Variants in LMTK3 observed in about 807,000 individuals in gnomAD.
LMTK3 encodes serine/threonine-protein kinase LMTK3.
Under a neutral mutation model 116.7 loss-of-function variants are expected in LMTK3, and 27 were observed. The ratio of observed to expected loss-of-function variants is 0.23; its 90% CI spans 0.17 to 0.32. LMTK3 has a LOEUF of 0.32. Ranked by LOEUF, LMTK3 falls within the 10% of genes least tolerant of loss-of-function variation. LMTK3 has a pLI of 1.00. For missense variants in LMTK3, 1,764 were observed against 2,068.5 expected, an observed-to-expected ratio of 0.85 and a Z score of 2.86; for synonymous variants, 965 against 971.0, an observed-to-expected ratio of 0.99 and a Z score of 0.11.
Position 48,499,025 on chromosome 19 carries a change from G to A in LMTK3, c.2044C>T (p.Pro682Ser). ...GCTACGGCGTCCCCCCGCTCCAGTGGCAGGCAGGAGCAGGCCCCCTCGCGG... is the reference window on the plus strand; with the variant it reads ...GCTACGGCGTCCCCCCGCTCCAGTGACAGGCAGGAGCAGGCCCCCTCGCGG... ...CSREGACSCL[P>S]LERGDAVAGW... Residue 682 changes from proline to serine, a missense_variant, in exon 11 of 15, where the codon CCA (proline) becomes TCA (serine). Coordinates refer to ENST00000600059, the MANE Select transcript of LMTK3 (RefSeq NM_001388485.1). 2 of 1,459,018 alleles carry A rather than the reference G, an allele frequency of 1.4e-6. No individual in the cohort carries two copies. The highest frequency in any genetic ancestry group is 2.4e-5 in the Admixed American group (1 of 42,444). 90.4% of individuals were successfully genotyped at this position (1,459,018 alleles called of 1,614,324 possible).
upstream of LMTK3, chr19:48,513,505 G>C (rs1255838892): frequency 3.0e-6 from 1 of 334,164 alleles, no homozygotes; most frequent in Admixed American, 4.6e-5. This position sits in a 1 kb window ranked among gnomAD's most constrained non-coding sequence, Gnocchi z 5.6. Context: ...GCCGTCTCGG[G>C]GTCACATCCC....
chr19:48,497,843 C>A lies in LMTK3; in HGVS notation c.3226G>T (p.Gly1076Cys). Residue 1076 changes from glycine to cysteine, a missense_variant, in exon 11 of 15, where the codon GGC (glycine) becomes TGC (cysteine). Transcript: ENST00000600059. The surrounding 1 kb of genome is among the most constrained non-coding windows in gnomAD (Gnocchi z 5.7). The stretch of plus-strand genomic sequence containing the variant: ...AGCGTCCCGTTCTTGGGGGCTGGGC[C>A]AAGGGGGCCAGGGGCTGTCTCCCCG... Reference protein sequence around the residue: ...NGGETAPGPLGPAPKNGTLEP... With the variant: ...NGGETAPGPLCPAPKNGTLEP... The A allele has an allele frequency of 7.0e-7, 1 of 1,421,216 alleles. No homozygotes were observed. Among genetic ancestry groups the A allele is most frequent in the South Asian group, 1.5e-5 (1 of 64,624 alleles). The allele number at this position is 1,421,216 out of a possible 1,614,324, so 88.0% of individuals were successfully genotyped here.
At chr19:48,503,789 TTCTCTC>T (rs148406252) in intron 5 of LMTK3, among the ~76,000 whole-genome samples, 4 of 149,502 alleles carry the variant, frequency 2.7e-5, no homozygotes, top group Non-Finnish European at 4.5e-5. Flanking sequence ...ACCTACAGTT[TTCTCTC>T]TCTCTCTCTC....
At position 48,501,064 on chromosome 19, in the gene LMTK3, G is replaced by A; in HGVS notation, c.1083C>T (p.Ala361=). The A allele has an allele frequency of 1.3e-6, 2 of 1,568,108 alleles. No individual in the cohort carries two copies. The highest frequency in any genetic ancestry group is 1.7e-6 in the Non-Finnish European group (2 of 1,157,968). Residue 361 remains alanine (A), a synonymous_variant, in exon 10 of 15, where the codon GCC becomes GCT. Transcript: ENST00000600059. ...TCACATGCTGCTGGCGGACCACGAA[G>A]GCGAGGACCTCCTCGTCTGACAGGT... The part of the protein sequence containing the change: ...YRHLSDEEVL[A]FVVRQQHVKL...
chr19:48,501,857 C>G (rs1454319631), intron 7 of LMTK3, among the ~76,000 whole-genome samples: 1 of 151,250 alleles, frequency 6.6e-6, no homozygotes, highest in African/African-American at 2.4e-5. Flanking sequence ...TCCCCCTCCT[C>G]TCCCAGCCAC....
chr19:48,492,439 G>A (rs1322109775), intron 12 of LMTK3, among the ~76,000 whole-genome samples: 1 of 151,974 alleles, frequency 6.6e-6, no homozygotes, highest in African/African-American at 2.4e-5. Flanking sequence ...CTCCCGCCTC[G>A]GCCTCCCAAA....
In LMTK3 at chr19:48,508,981, G is replaced by T. The variant is rs1410466973; in HGVS notation, c.439-12C>A. The T allele has an allele frequency of 2.5e-6, 4 of 1,568,710 alleles. No individual in the cohort carries two copies. The South Asian group carries it at 4.6e-5, about 18-fold the overall frequency. ...TCTCCCAGGATCACCTGGTCAAGGG[G>T]CACCCAGGAGTCAGCGAGTGCCGTT... On this transcript the variant is annotated splice_polypyrimidine_tract_variant and intron_variant, in intron 4 of 14. Transcript: ENST00000600059.
intron 11 of LMTK3, among the ~76,000 whole-genome samples, chr19:48,496,321 C>G (rs1972323427): frequency 6.8e-6 from 1 of 146,924 alleles, no homozygotes; most frequent in Non-Finnish European, 1.5e-5. Context: ...TTTTCTGAGA[C>G]AGAGTCTCGC....
chr19:48,497,482 T>C lies in LMTK3; in HGVS notation c.3587A>G (p.Asp1196Gly). The change falls in exon 11 of 15, where the codon GAC (aspartate) becomes GGC (glycine). Residue 1196 changes from aspartate to glycine, a missense_variant. Around this residue, in one of 7 missense-constraint regions of LMTK3, gnomAD observed 1,028 missense variants for 1,050.6 expected, o/e 0.98. Transcript: ENST00000600059. This position sits in a 1 kb window ranked among gnomAD's most constrained non-coding sequence, Gnocchi z 5.7. ...GGDTALSGDG[D>G]PPKPERKGPE... ...GCCCTTCCTCTCGGGCTTGGGGGGG[T>C]CCCCGTCTCCGCTGAGTGCCGTGTC... The C allele has an allele frequency of 6.7e-7, 1 of 1,485,176 alleles. No individual in the cohort carries two copies. Among genetic ancestry groups the C allele is most frequent in the Non-Finnish European group, 8.9e-7 (1 of 1,120,226 alleles). The allele number at this position is 1,485,176 out of a possible 1,614,324, so 92.0% of individuals were successfully genotyped here. A position where few individuals can be genotyped will look rare whatever the true frequency, so the allele number is the denominator to read the frequency against.
Position 48,511,717 on chromosome 19 carries a change from G to A in LMTK3, c.-141C>T, listed in dbSNP as rs1208426679. 3 of 446,474 alleles carry A rather than the reference G, an allele frequency of 6.7e-6. No homozygotes were observed. The highest frequency in any genetic ancestry group is 1.2e-5 in the Non-Finnish European group (3 of 248,178). 27.7% of individuals were successfully genotyped at this position (446,474 alleles called of 1,614,324 possible). On this transcript the variant is annotated 5_prime_UTR_variant, in exon 1 of 15. Coordinates refer to ENST00000600059, the MANE Select transcript of LMTK3 (RefSeq NM_001388485.1). The stretch of plus-strand genomic sequence containing the variant: ...GAGGGGCAGGAGACGCAGGACAGGG[G>A]GAGGGAGGGGCTGCTTGCTGGCTCA...
rs374691510 is a variant in LMTK3, at chr19:48,486,221, G to A, written c.4367-432C>T. Among the ~76,000 whole-genome samples, 240 of 150,106 alleles carry A rather than the reference G, an allele frequency of 1.6e-3. 2 individuals carry two copies. The East Asian group carries it at 0.037, about 23-fold the overall frequency. ...ACTACAGGCGCCCGCCACTACGCCC[G>A]GCTAATTTTTTGTATTTTTAGTAGA... On this transcript the variant is annotated intron_variant, in intron 14 of 14. Coordinates refer to ENST00000600059, the MANE Select transcript of LMTK3 (RefSeq NM_001388485.1).
At position 48,485,755 on chromosome 19, in the gene LMTK3, G is replaced by A. The variant is rs777215844; in HGVS notation, c.*18C>T. On this transcript the variant is annotated 3_prime_UTR_variant, in exon 15 of 15. Coordinates refer to ENST00000600059, the MANE Select transcript of LMTK3 (RefSeq NM_001388485.1). ...AACCCCTCTTCTGAGGGTGCAGCGG[G>A]GTCGGGTCTTCGGGGAATCAATTCT... is the stretch of plus-strand genomic sequence containing the variant. The A allele has an allele frequency of 1.9e-6, 3 of 1,609,918 alleles. No homozygotes were observed. Among genetic ancestry groups the A allele is most frequent in the South Asian group, 2.2e-5 (2 of 90,278 alleles).
chr19:48,495,865 TC>T (rs2147537836), intron 11 of LMTK3, among the ~76,000 whole-genome samples: 1 of 152,382 alleles, frequency 6.6e-6, no homozygotes, highest in South Asian at 2.1e-4. Context: ...CCTTCATTTA[TC>T]TTAAAGAGTT....
At chr19:48,506,722 T>C (rs886838985) in intron 5 of LMTK3, among the ~76,000 whole-genome samples, 1 of 152,160 alleles carries the variant, frequency 6.6e-6, no homozygotes, top group African/African-American at 2.4e-5. Flanking sequence ...TGGAGTACAG[T>C]GGTGTGATCT....
Position 48,505,103 on chromosome 19 carries a change from C to CTTTTTTTT in LMTK3, c.558-2115_558-2108dup, listed in dbSNP as rs33927563. Among the ~76,000 whole-genome samples, 7 of 55,574 alleles carry CTTTTTTTT rather than the reference C, an allele frequency of 1.3e-4. 1 individual carries two copies. The highest frequency in any genetic ancestry group is 9.5e-4 in the South Asian group (1 of 1,052). The allele number at this position is 55,574 out of a possible 152,430, so 36.5% of individuals were successfully genotyped here. ...AGTTTCTCTCTCTCTCTCTCTCTCT[C>CTTTTTTTT]TTTTTTTTTTTTTTTTTTTTTTTTT... On this transcript the variant is annotated intron_variant, in intron 5 of 14. Coordinates refer to ENST00000600059, the MANE Select transcript of LMTK3 (RefSeq NM_001388485.1).
Position 48,499,001 on chromosome 19 carries a change from C to G in LMTK3, c.2068G>C (p.Ala690Pro). ...AGAGCAGGGTGGCCTCCCCAGCCTGCTACGGCGTCCCCCCGCTCCAGTGGC... is the reference window on the plus strand; with the variant it reads ...AGAGCAGGGTGGCCTCCCCAGCCTGGTACGGCGTCCCCCCGCTCCAGTGGC... ...CLPLERGDAV[A>P]GWGGHPALGC... The change falls in exon 11 of 15, where the codon GCA becomes CCA. Residue 690 changes from alanine (A) to proline (P), a missense_variant. Ala to Pro is a conservative substitution (Grantham distance 27, BLOSUM62 -1). This residue lies in a region of LMTK3 where 1,028 missense variants were observed against 1,050.6 expected (regional missense o/e 0.98). Transcript: ENST00000600059. 1 of 1,412,028 alleles carries G rather than the reference C, an allele frequency of 7.1e-7. No homozygotes were observed. The highest frequency in any genetic ancestry group is 9.2e-7 in the Non-Finnish European group (1 of 1,081,246). The allele number at this position is 1,412,028 out of a possible 1,614,324, so 87.5% of individuals were successfully genotyped here.
Position 48,491,603 on chromosome 19 carries a change from C to T in LMTK3, c.4093-64G>A. On this transcript the variant is annotated intron_variant, in intron 12 of 14. Coordinates refer to ENST00000600059, the MANE Select transcript of LMTK3 (RefSeq NM_001388485.1). The surrounding 1 kb of genome is among the most constrained non-coding windows in gnomAD (Gnocchi z 5.1). ...CCTTCACGTCCCATTTACCGCATCCCCCAAAAGCAACAAAACCGGCTAATA... is the reference window on the plus strand; with the variant it reads ...CCTTCACGTCCCATTTACCGCATCCTCCAAAAGCAACAAAACCGGCTAATA... 7.9e-7 allele frequency: 1 copy of T among 1,264,390 alleles called. No individual in the cohort carries two copies. Among genetic ancestry groups the T allele is most frequent in the Non-Finnish European group, 1.0e-6 (1 of 990,738 alleles). 78.3% of individuals were successfully genotyped at this position (1,264,390 alleles called of 1,614,324 possible).
chr19:48,509,962 T>G, intron 3 of LMTK3, 61 bp downstream of exon 3: 1 of 1,589,196 alleles, frequency 6.3e-7, no homozygotes, highest in East Asian at 2.3e-5. Context: ...AGGAACACAC[T>G]CAACATCTTC....
rs1459681659 is a variant in LMTK3 at position 48,491,123 on chromosome 19, CG to C, written c.4350del (p.Asp1451ThrfsTer33). On this transcript the variant is annotated frameshift_variant, in exon 14 of 15. Coordinates refer to ENST00000600059, the MANE Select transcript of LMTK3 (RefSeq NM_001388485.1). LOFTEE classifies it high-confidence loss of function. This position sits in a 1 kb window ranked among gnomAD's most constrained non-coding sequence, Gnocchi z 5.1. ...LETPGPPARA[P>X]DARPAGPVEN ...GATATGGTACCTGCGGGCCGGGCGTCGGGGGCCCGGGCGGGTGGCCCCGGGG... is the reference window on the plus strand; with the variant it reads ...GATATGGTACCTGCGGGCCGGGCGTCGGGGCCCGGGCGGGTGGCCCCGGGG... The C allele has an allele frequency of 5.7e-6, 7 of 1,231,934 alleles. No homozygotes were observed. The highest frequency in any genetic ancestry group is 6.1e-6 in the Non-Finnish European group (6 of 980,902). The allele number at this position is 1,231,934 out of a possible 1,614,324, so 76.3% of individuals were successfully genotyped here.
Sources: allele counts gnomAD v4.1 joint callset (sites outside exome capture counted in the v4.1 genomes callset), GRCh38; gene constraint gnomAD v4.1.1; regional missense constraint gnomAD v4.1.1; non-coding constraint Gnocchi (gnomAD v3.1); transcripts MANE v1.5; gene names NCBI Gene and HGNC (gene_info 2026-07-23, HGNC 2026-07-21).